The following WDPCP variants were observed in gnomAD, a reference collection of about 807,000 sequenced individuals.
WDPCP encodes the protein WD repeat-containing and planar cell polarity effector protein fritz homolog.
WDPCP carries 71 observed loss-of-function variants against 93.1 expected under a neutral mutation model. The ratio of observed to expected loss-of-function variants is 0.76; its 90% CI spans 0.63 to 0.93. The LOEUF is 0.93. Ranked by LOEUF, WDPCP falls within the 40% of genes least tolerant of loss-of-function variation. The probability of loss-of-function intolerance (pLI) is 0.00; values close to 1 mark genes in which losing one functional copy is unlikely to be tolerated. For synonymous variants in WDPCP, 315 were observed against 315.0 expected (o/e 1.00, Z 0.00); for missense variants, 844 against 887.4 (o/e 0.95, Z 0.62).
intron 2 of WDPCP, among the ~76,000 whole-genome samples, chr2:63,804,021 G>A (rs1479168262): frequency 6.6e-6 from 1 of 152,084 alleles, no homozygotes; most frequent in Non-Finnish European, 1.5e-5. Flanking sequence ...AATTGAAATA[G>A]TTGCCTCTAG....
At chr2:63,368,351 T>C (rs1340717159) in intron 12 of WDPCP, among the ~76,000 whole-genome samples, 1 of 151,372 alleles carries the variant, frequency 6.6e-6, no homozygotes, top group Non-Finnish European at 1.5e-5. Flanking sequence ...TTTGAGACAG[T>C]GTCTCGCTCT....
intron 10 of WDPCP, among the ~76,000 whole-genome samples, chr2:63,397,454 G>A (rs1297748268): frequency 6.6e-6 from 1 of 152,130 alleles, no homozygotes; most frequent in African/African-American, 2.4e-5. Context: ...ATGTGGATGT[G>A]GAGTCAGGAA....
chr2:63,524,948 T>C (rs1422132366), intron 1 of WDPCP, among the ~76,000 whole-genome samples: 1 of 152,178 alleles, frequency 6.6e-6, no homozygotes, highest in Non-Finnish European at 1.5e-5. Context: ...TGCATGCTTA[T>C]GTTCATCACA....
At chr2:63,550,465 A>G (rs1472938100) in intron 1 of WDPCP, among the ~76,000 whole-genome samples, 6 of 151,896 alleles carry the variant, frequency 4.0e-5, no homozygotes, top group Non-Finnish European at 7.4e-5. Context: ...CACTGTTAAC[A>G]TCTCTTTTTT....
intron 15 of WDPCP, among the ~76,000 whole-genome samples, chr2:63,168,007 C>T (rs1673110885): frequency 6.6e-6 from 1 of 151,168 alleles, no homozygotes; most frequent in Admixed American, 6.6e-5. Context: ...TCCCAGCCAC[C>T]CAGGAGGCTG....
intron 14 of WDPCP, among the ~76,000 whole-genome samples, chr2:63,181,288 AGTTTTCCGTAG>A (rs1342509496): frequency 6.6e-6 from 1 of 151,936 alleles, no homozygotes; most frequent in Non-Finnish European, 1.5e-5. Flanking sequence ...TGTCCAGAGG[AGTTTTCCGTAG>A]GTTTTCTTCT....
intron 2 of WDPCP, among the ~76,000 whole-genome samples, chr2:63,700,234 G>C (rs1181215397): frequency 7.6e-6 from 1 of 130,852 alleles, no homozygotes; most frequent in East Asian, 2.2e-4. Flanking sequence ...AGTGAGCCAC[G>C]ATCGTGCCAC....
At chr2:63,512,545 G>A (rs975376152) in intron 1 of WDPCP, among the ~76,000 whole-genome samples, 2 of 152,162 alleles carry the variant, frequency 1.3e-5, no homozygotes, top group African/African-American at 2.4e-5. Flanking sequence ...TATATACCAT[G>A]GAATATTATG....
intron 2 of WDPCP, among the ~76,000 whole-genome samples, chr2:63,656,660 C>T (rs1424926954): frequency 6.6e-6 from 1 of 152,246 alleles, no homozygotes; most frequent in East Asian, 1.9e-4. Context: ...AAACAATGTC[C>T]TGAGTACCTA....
chr2:63,362,274 T>TTTTG (rs764194233), intron 12 of WDPCP, among the ~76,000 whole-genome samples: 4 of 58,058 alleles, frequency 6.9e-5, no homozygotes, highest in South Asian at 6.9e-4. Flanking sequence ...TTTTTTTTTT[T>TTTTG]GGTTGTGTGT....
chr2:63,650,452 C>T (rs1458596547), intron 3 of WDPCP, among the ~76,000 whole-genome samples: 1 of 152,172 alleles, frequency 6.6e-6, no homozygotes, highest in Non-Finnish European at 1.5e-5. Flanking sequence ...TCAGGACTTG[C>T]CCCGCCCAGT....
chr2:63,202,863 T>G (rs1676023190), intron 14 of WDPCP, among the ~76,000 whole-genome samples: 1 of 152,146 alleles, frequency 6.6e-6, no homozygotes, highest in Non-Finnish European at 1.5e-5. Flanking sequence ...CCCTTGTCTG[T>G]GTATCTATCT....
At chr2:63,707,559 G>A (rs1669182340) in intron 2 of WDPCP, among the ~76,000 whole-genome samples, 1 of 152,050 alleles carries the variant, frequency 6.6e-6, no homozygotes, top group Non-Finnish European at 1.5e-5. Flanking sequence ...TAACTTCTTT[G>A]CCATTGGTTC....
chr2:63,134,183 C>A (rs1317110269), intron 17 of WDPCP, among the ~76,000 whole-genome samples: 1 of 152,164 alleles, frequency 6.6e-6, no homozygotes, highest in Admixed American at 6.5e-5. Context: ...TAGTGAAATT[C>A]TAATCCCACC....
chr2:63,335,191 T>C (rs1159626596), intron 12 of WDPCP, among the ~76,000 whole-genome samples: 1 of 152,182 alleles, frequency 6.6e-6, no homozygotes, highest in Non-Finnish European at 1.5e-5. Context: ...CCATGCCCTT[T>C]TAAAATTTCT....
At chr2:63,767,443 C>T (rs1364373352) in intron 2 of WDPCP, among the ~76,000 whole-genome samples, 1 of 152,144 alleles carries the variant, frequency 6.6e-6, no homozygotes, top group East Asian at 1.9e-4. Flanking sequence ...ACAACGATAA[C>T]ATTTTACATT....
At chr2:63,209,551 T>A (rs1044142390) in intron 14 of WDPCP, among the ~76,000 whole-genome samples, 2 of 152,238 alleles carry the variant, frequency 1.3e-5, no homozygotes, top group Non-Finnish European at 2.9e-5. Flanking sequence ...GTTGGTGATT[T>A]ATCCCTGTCC....
At chr2:63,284,624 T>A (rs183562055) in intron 13 of WDPCP, among the ~76,000 whole-genome samples, 51 of 152,266 alleles carry the variant, frequency 3.3e-4, no homozygotes, top group African/African-American at 1.2e-3. Flanking sequence ...ATATAATAAC[T>A]AAGATGGCTA....
chr2:63,237,657 T>A (rs971137455), intron 14 of WDPCP, among the ~76,000 whole-genome samples: 1 of 152,164 alleles, frequency 6.6e-6, no homozygotes, highest in Non-Finnish European at 1.5e-5. Flanking sequence ...TAAAAAAGAA[T>A]GAAATCATGT....
Sources: allele counts gnomAD v4.1 joint callset (sites outside exome capture counted in the v4.1 genomes callset), GRCh38; gene constraint gnomAD v4.1.1; transcripts MANE v1.5; gene names NCBI Gene and HGNC (gene_info 2026-07-23, HGNC 2026-07-21).